The following TBC1D4 variants were observed in gnomAD, a reference collection of about 807,000 sequenced individuals.
The protein encoded by TBC1D4 is TBC (Tre-2, BUB2, CDC16) domain-containing protein.
A neutral mutation model predicts 142.5 loss-of-function variants in TBC1D4; 121 were observed. That is an observed-to-expected ratio of 0.85 (90% confidence interval 0.73 to 0.99). The LOEUF is 0.99. Ranked by LOEUF, TBC1D4 falls within the 50% of genes least tolerant of loss-of-function variation. TBC1D4 has a pLI of 0.00. For synonymous variants in TBC1D4, 630 were observed against 628.2 expected (o/e 1.00, Z -0.04); for missense variants, 1,475 against 1,606.6 (o/e 0.92, Z 1.40).
At chr13:75,335,254 C>T (rs539597382) in intron 8 of TBC1D4, among the ~76,000 whole-genome samples, 4 of 152,288 alleles carry the variant, frequency 2.6e-5, no homozygotes, top group Non-Finnish European at 5.9e-5. Context: ...GCCATCCCCA[C>T]ATTCCACACC....
At chr13:75,416,912 A>C (rs1161509356) in intron 1 of TBC1D4, among the ~76,000 whole-genome samples, 1 of 152,080 alleles carries the variant, frequency 6.6e-6, no homozygotes, top group Non-Finnish European at 1.5e-5. Flanking sequence ...TGACCCCTGG[A>C]GGAGAAAAGA....
intron 1 of TBC1D4, among the ~76,000 whole-genome samples, chr13:75,406,639 A>T (rs903225255): frequency 2.6e-5 from 4 of 152,328 alleles, no homozygotes; most frequent in Non-Finnish European, 5.9e-5. Flanking sequence ...TCTCTATAAC[A>T]TATATAGTTC....
At chr13:75,439,699 G>T (rs987664334) in intron 1 of TBC1D4, among the ~76,000 whole-genome samples, 2 of 152,024 alleles carry the variant, frequency 1.3e-5, no homozygotes, top group African/African-American at 4.8e-5. Flanking sequence ...AGGCTGGAGT[G>T]CAGTGGCGCA....
intron 1 of TBC1D4, among the ~76,000 whole-genome samples, chr13:75,429,330 C>T (rs1163554776): frequency 3.3e-5 from 5 of 152,290 alleles, no homozygotes; most frequent in Non-Finnish European, 2.9e-5. Context: ...TAAATATTTT[C>T]ATCTCATCAC....
chr13:75,375,744 G>C (rs1385187909), intron 1 of TBC1D4: 1 of 148,156 alleles, frequency 6.7e-6, no homozygotes, highest in Non-Finnish European at 1.5e-5. Flanking sequence ...AAAAGAAATA[G>C]AGGACATTCC....
chr13:75,443,682 T>C (rs965308825), intron 1 of TBC1D4, among the ~76,000 whole-genome samples: 11 of 152,182 alleles, frequency 7.2e-5, no homozygotes, highest in African/African-American at 2.4e-4. Flanking sequence ...CCAGTCAACT[T>C]CGCTTTCCTT....
chr13:75,361,847 C>G (rs1209783837), intron 2 of TBC1D4, among the ~76,000 whole-genome samples, 179 bp downstream of exon 2: 2 of 152,124 alleles, frequency 1.3e-5, no homozygotes, highest in Admixed American at 1.3e-4. Context: ...TCTGCCTCTC[C>G]CCCCTTCCCT....
intron 1 of TBC1D4, among the ~76,000 whole-genome samples, chr13:75,410,035 C>A (rs1885553290): frequency 6.6e-6 from 1 of 152,288 alleles, no homozygotes; most frequent in East Asian, 1.9e-4. Context: ...TGCCACTTAC[C>A]TTAAAACTCA....
intron 1 of TBC1D4, among the ~76,000 whole-genome samples, chr13:75,363,078 T>C (rs1385463355): frequency 1.3e-5 from 2 of 152,122 alleles, no homozygotes. Context: ...GATACCACTA[T>C]ATACCTCTTA....
At chr13:75,325,667 A>T (rs1404938212) in intron 10 of TBC1D4, among the ~76,000 whole-genome samples, 2 of 152,218 alleles carry the variant, frequency 1.3e-5, no homozygotes, top group Admixed American at 6.5e-5. Flanking sequence ...TATGGTATAT[A>T]TACTCTTCTT....
chr13:75,336,088 A>G (rs1317975222), intron 8 of TBC1D4, among the ~76,000 whole-genome samples: 1 of 152,136 alleles, frequency 6.6e-6, no homozygotes, highest in Non-Finnish European at 1.5e-5. Flanking sequence ...TCGATCTGAG[A>G]AGCAAACTTA....
intron 1 of TBC1D4, among the ~76,000 whole-genome samples, chr13:75,381,608 T>C (rs1404563486): frequency 1.2e-4 from 18 of 152,222 alleles, no homozygotes; most frequent in Admixed American, 1.2e-3. Context: ...TGCTTCCTTA[T>C]TGCCCAGATA....
chr13:75,292,306 T>A, intron 18 of TBC1D4, 35 bp from the exon 19 acceptor site: 1 of 1,562,470 alleles, frequency 6.4e-7, no homozygotes. Flanking sequence ...TGATCAAAAC[T>A]ATGCATCCAC....
intron 1 of TBC1D4, among the ~76,000 whole-genome samples, chr13:75,365,766 T>C (rs1882873503): frequency 6.6e-6 from 1 of 152,180 alleles, no homozygotes. Context: ...TTGGGGGGAT[T>C]TTGTTGCTTA....
chr13:75,301,506 G>A (rs888308108), intron 16 of TBC1D4, among the ~76,000 whole-genome samples: 11 of 151,986 alleles, frequency 7.2e-5, no homozygotes, highest in African/African-American at 1.9e-4. Flanking sequence ...TTAGCCGGGC[G>A]TGGTGGCTGG....
intron 4 of TBC1D4, among the ~76,000 whole-genome samples, chr13:75,349,593 A>G (rs547706248): frequency 2.0e-5 from 3 of 152,324 alleles, no homozygotes; most frequent in Admixed American, 1.3e-4. Flanking sequence ...CGTCACAGAG[A>G]GTTTAATTAG....
intron 1 of TBC1D4, among the ~76,000 whole-genome samples, chr13:75,401,872 A>G (rs192654884): frequency 6.6e-6 from 1 of 152,346 alleles, no homozygotes; most frequent in Admixed American, 6.5e-5. Context: ...ACATTTGTCA[A>G]ATGAATGAAG....
At chr13:75,311,281 C>T (rs1002835091) in intron 13 of TBC1D4, among the ~76,000 whole-genome samples, 1 of 152,154 alleles carries the variant, frequency 6.6e-6, no homozygotes, top group Non-Finnish European at 1.5e-5. Flanking sequence ...TCCAGAGCTT[C>T]GTCATTCCTT....
At position 75,306,413 on chromosome 13, in the gene TBC1D4, T is replaced by G; in HGVS notation, c.2652A>C (p.Ala884=). 12 of 1,613,556 alleles carry G rather than the reference T, an allele frequency of 7.4e-6. No homozygotes were observed. The highest frequency in any genetic ancestry group is 9.3e-6 in the Non-Finnish European group (11 of 1,179,908). ...KVKLDYEEVG[A]CQKEVLITWD... ...AAGTTATTAAGACCTCTTTCTGACA[T>G]GCACCAACTTCTTCATAGTCTAATT... The change falls in exon 15 of 21, where the codon GCA becomes GCC. Residue 884 remains alanine, a synonymous_variant. Coordinates refer to ENST00000377636, the MANE Select transcript of TBC1D4 (RefSeq NM_014832.5).
Sources: allele counts gnomAD v4.1 joint callset (sites outside exome capture counted in the v4.1 genomes callset), GRCh38; gene constraint gnomAD v4.1.1; transcripts MANE v1.5; gene names NCBI Gene and HGNC (gene_info 2026-07-23, HGNC 2026-07-21).